PRKAG2: variants seen among roughly 807,000 people sequenced by gnomAD.
PRKAG2 encodes protein kinase AMP-activated non-catalytic subunit gamma 2, also known as 5'-AMP-activated protein kinase subunit gamma-2.
A neutral mutation model predicts 69.6 loss-of-function variants in PRKAG2; 26 were observed. That is an observed-to-expected ratio of 0.37 (90% confidence interval 0.27 to 0.52). PRKAG2 has a LOEUF of 0.52. Ranked by LOEUF, PRKAG2 falls within the 20% of genes least tolerant of loss-of-function variation. The pLI is 0.90. For synonymous variants in PRKAG2, 293 were observed against 285.0 expected (o/e 1.03, Z -0.28); for missense variants, 557 against 740.0 (o/e 0.75, Z 2.87).
rs553497100 is a variant in PRKAG2 at position 151,591,322 on chromosome 7, T to G, written c.864+4023A>C. On this transcript the variant is annotated intron_variant, in intron 6 of 15. Transcript: ENST00000287878. ...TCAAGGCTGCGGCACCCCCGCTCTC[T>G]ACCTTATTATGGTCTGCAGAGAAGC... Among the ~76,000 whole-genome samples the G allele has an allele frequency of 1.2e-3, 186 of 152,376 alleles. 2 individuals are homozygous for G. Among genetic ancestry groups the G allele is most frequent in the African/African-American group, 4.4e-3 (182 of 41,594 alleles).
intron 3 of PRKAG2, among the ~76,000 whole-genome samples, chr7:151,773,709 A>G (rs2058461560): frequency 6.6e-6 from 1 of 152,218 alleles, no homozygotes; most frequent in African/African-American, 2.4e-5. Context: ...TTGGCAGTTC[A>G]TGAACACACA....
intron 3 of PRKAG2, among the ~76,000 whole-genome samples, chr7:151,761,325 G>A (rs2075400756): frequency 6.6e-6 from 1 of 152,176 alleles, no homozygotes. Flanking sequence ...ATGACAACCA[G>A]CCATTGTCCC....
At chr7:151,849,173 C>T (rs1328387996) in intron 1 of PRKAG2, among the ~76,000 whole-genome samples, 1 of 152,248 alleles carries the variant, frequency 6.6e-6, no homozygotes, top group Non-Finnish European at 1.5e-5. Flanking sequence ...AGAGGCAGTG[C>T]CCCCTGCCTG....
rs555198902 is a variant in PRKAG2, at chr7:151,780,366, C to T, written c.466+786G>A. 1.1e-3 allele frequency among the ~76,000 whole-genome samples: 172 copies of T among 152,328 alleles called. No homozygotes were observed. The highest frequency in any genetic ancestry group is 9.3e-4 in the Non-Finnish European group (63 of 68,032). On this transcript the variant is annotated intron_variant, in intron 3 of 15. Coordinates refer to ENST00000287878, the MANE Select transcript of PRKAG2 (RefSeq NM_016203.4). This position sits in a 1 kb window ranked among gnomAD's most constrained non-coding sequence, Gnocchi z 4.2. ...GCCTGGAGAGAAAGGTGAACTATCC[C>T]AGGCCTCTGATGGTCAAGGACAAAT... is the stretch of plus-strand genomic sequence containing the variant.
intron 7 of PRKAG2, among the ~76,000 whole-genome samples, chr7:151,575,908 A>G (rs1160706087): frequency 6.6e-6 from 1 of 151,306 alleles, no homozygotes; most frequent in Non-Finnish European, 1.5e-5. Flanking sequence ...AAAAAAAAAA[A>G]AAAAAGAAAA....
intron 3 of PRKAG2, among the ~76,000 whole-genome samples, chr7:151,706,897 G>A (rs1482625974): frequency 6.6e-6 from 1 of 152,230 alleles, no homozygotes; most frequent in African/African-American, 2.4e-5. Context: ...ATGGAGTAGG[G>A]CACTCAAATA....
At chr7:151,705,343 A>G (rs1838399388) in intron 3 of PRKAG2, among the ~76,000 whole-genome samples, 1 of 152,090 alleles carries the variant, frequency 6.6e-6, no homozygotes, top group South Asian at 2.1e-4. Flanking sequence ...CTCTTTTCTC[A>G]ATCGGGTTGT....
chr7:151,817,644 T>C (rs1363794984), intron 1 of PRKAG2, among the ~76,000 whole-genome samples: 2 of 152,240 alleles, frequency 1.3e-5, no homozygotes, highest in Admixed American at 6.5e-5. Context: ...CTGGCACCTG[T>C]AGGTTATCAC....
At chr7:151,778,018 G>T (rs893475233) in intron 3 of PRKAG2, among the ~76,000 whole-genome samples, 1 of 152,122 alleles carries the variant, frequency 6.6e-6, no homozygotes, top group Non-Finnish European at 1.5e-5. Flanking sequence ...GGTCTTTTGA[G>T]ATAATTTTTT....
intron 1 of PRKAG2, among the ~76,000 whole-genome samples, chr7:151,838,028 G>A (rs2079185621): frequency 6.6e-6 from 1 of 152,068 alleles, no homozygotes; most frequent in African/African-American, 2.4e-5. Context: ...ACGCGCACAG[G>A]ACCCCGGAGG....
chr7:151,787,792 G>A (rs952865539), intron 1 of PRKAG2, among the ~76,000 whole-genome samples: 2 of 152,092 alleles, frequency 1.3e-5, no homozygotes, highest in Non-Finnish European at 2.9e-5. Context: ...TTAAAATGAG[G>A]TCATTAAGGT....
chr7:151,561,949 A>G (rs1174319959), intron 14 of PRKAG2, among the ~76,000 whole-genome samples: 1 of 127,332 alleles, frequency 7.9e-6, no homozygotes, highest in Non-Finnish European at 1.6e-5. Context: ...AAAAAAAAAA[A>G]GGCTTTGGAA....
chr7:151,635,471 G>T (rs930522829), intron 4 of PRKAG2, among the ~76,000 whole-genome samples: 1 of 152,164 alleles, frequency 6.6e-6, no homozygotes, highest in African/African-American at 2.4e-5. Flanking sequence ...GCGGGCTGTG[G>T]TAGGTCCATC....
chr7:151,689,018 A>G (rs776455797), intron 3 of PRKAG2, among the ~76,000 whole-genome samples: 2 of 152,186 alleles, frequency 1.3e-5, no homozygotes, highest in Non-Finnish European at 2.9e-5. Context: ...TGAATAGGAG[A>G]AAATGTGGCT....
chr7:151,634,938 T>A (rs1012281912), intron 4 of PRKAG2, among the ~76,000 whole-genome samples: 1 of 143,840 alleles, frequency 7.0e-6, no homozygotes, highest in African/African-American at 2.7e-5. Context: ...ATGGAACCAC[T>A]GTTTTTTTTT....
chr7:151,563,429 T>C (rs1805530085), intron 14 of PRKAG2, among the ~76,000 whole-genome samples: 1 of 152,208 alleles, frequency 6.6e-6, no homozygotes, highest in African/African-American at 2.4e-5. Context: ...GAGATACTGG[T>C]GGGAAGAGAG....
intron 1 of PRKAG2, among the ~76,000 whole-genome samples, chr7:151,821,179 C>T (rs924961476): frequency 3.0e-4 from 45 of 152,204 alleles, no homozygotes; most frequent in Admixed American, 2.8e-3. Flanking sequence ...TAAAAAATAA[C>T]TTCATGAAAG....
chr7:151,705,730 T>C (rs1267336181), intron 3 of PRKAG2, among the ~76,000 whole-genome samples: 5 of 152,296 alleles, frequency 3.3e-5, no homozygotes, highest in African/African-American at 1.2e-4. Flanking sequence ...GTCTCCCTGC[T>C]TAACTCTCCA....
At chr7:151,599,122 G>C (rs140884222) in intron 5 of PRKAG2, among the ~76,000 whole-genome samples, 1,816 of 152,146 alleles carry the variant, frequency 0.012, 26 homozygotes, top group African/African-American at 0.041. Context: ...CAAAGTGCTG[G>C]GATTACAGGT....
Sources: allele counts gnomAD v4.1 joint callset (sites outside exome capture counted in the v4.1 genomes callset), GRCh38; gene constraint gnomAD v4.1.1; non-coding constraint Gnocchi (gnomAD v3.1); transcripts MANE v1.5; gene names NCBI Gene and HGNC (gene_info 2026-07-23, HGNC 2026-07-21).